The following SLC41A3 variants were observed in gnomAD, a reference collection of about 807,000 sequenced individuals.
SLC41A3 encodes the protein solute carrier family 41 member 3.
In SLC41A3, 44 loss-of-function variants were observed where a neutral mutation model predicts 45.4. The observed-to-expected ratio is 0.97, with a 90% confidence interval of 0.76 to 1.25. The LOEUF is 1.25. SLC41A3 is among the 50% of genes most tolerant of loss of function. The pLI is 0.00. For missense variants in SLC41A3, 550 were observed against 600.6 expected, an observed-to-expected ratio of 0.92 and a Z score of 0.88; for synonymous variants, 256 against 252.4, an observed-to-expected ratio of 1.01 and a Z score of -0.13.
rs1475524158 is a variant in SLC41A3, at chr3:126,026,335, C to T, written c.598G>A (p.Gly200Arg). 6.4e-7 allele frequency: 1 copy of T among 1,559,866 alleles called. No individual in the cohort carries two copies. The highest frequency in any genetic ancestry group is 8.7e-7 in the Non-Finnish European group (1 of 1,151,110). Residue 200 changes from glycine (G) to arginine (R), a missense_variant and splice_region_variant, in exon 5 of 11, where the codon GGG (glycine) becomes AGG (arginine). Gly to Arg is a moderately radical substitution (Grantham distance 125, BLOSUM62 -2). Transcript: ENST00000360370. The surrounding 1 kb of genome is among the most constrained non-coding windows in gnomAD (Gnocchi z 4.2). ...GGCTCACAGCTGGGGCATGGCTCAC[C>T]CAGGGCAAAGGCTGCAAGGAAGGCA... The part of the protein sequence containing the change: ...LTAFLAAFAL[G>R]VLMVCIVIGA...
intron 3 of SLC41A3, among the ~76,000 whole-genome samples, chr3:126,046,780 G>A (rs1403291201): frequency 4.0e-5 from 6 of 151,500 alleles, no homozygotes; most frequent in Non-Finnish European, 7.4e-5. Flanking sequence ...TGGCCAACAT[G>A]ATGAAACCAC....
chr3:126,053,569 T>C (rs561793249), intron 2 of SLC41A3, among the ~76,000 whole-genome samples: 1 of 152,244 alleles, frequency 6.6e-6, no homozygotes, highest in African/African-American at 2.4e-5. Context: ...TCTTTGTTTT[T>C]ACCTAACCAA....
At chr3:126,096,355 CAAAA>C (rs1945601057) in intron 1 of SLC41A3, among the ~76,000 whole-genome samples, 1 of 151,484 alleles carries the variant, frequency 6.6e-6, no homozygotes, top group Non-Finnish European at 1.5e-5. Flanking sequence ...ATTTGCAAAT[CAAAA>C]AAGGGGGACA....
At chr3:126,010,645 C>A in intron 9 of SLC41A3, among the ~76,000 whole-genome samples, 1 of 152,252 alleles carries the variant, frequency 6.6e-6, no homozygotes, top group East Asian at 1.9e-4. Flanking sequence ...GGTGGGACCA[C>A]CATCATCTCC....
At chr3:126,042,656 T>G (rs1024645374) in intron 3 of SLC41A3, among the ~76,000 whole-genome samples, 1 of 151,804 alleles carries the variant, frequency 6.6e-6, no homozygotes, top group African/African-American at 2.4e-5. Flanking sequence ...TTTAGGAAAT[T>G]TAAAAAACAG....
chr3:126,048,247 T>A (rs1482675488), intron 3 of SLC41A3, among the ~76,000 whole-genome samples: 1 of 152,238 alleles, frequency 6.6e-6, no homozygotes, highest in African/African-American at 2.4e-5. Context: ...CAAATTTTTA[T>A]TTCTCTTTAT....
intron 4 of SLC41A3, among the ~76,000 whole-genome samples, chr3:126,027,386 CT>C (rs773916084): frequency 6.6e-6 from 1 of 152,106 alleles, no homozygotes; most frequent in Non-Finnish European, 1.5e-5. Context: ...TGCTACTCCC[CT>C]TTGCATTCCC....
intron 3 of SLC41A3, among the ~76,000 whole-genome samples, chr3:126,042,434 A>G (rs1942656072): frequency 6.6e-6 from 1 of 152,236 alleles, no homozygotes; most frequent in Admixed American, 6.5e-5. Context: ...TTCCCTACAC[A>G]GAGCCAGTCT....
chr3:126,035,607 G>A (rs149006218), intron 3 of SLC41A3, among the ~76,000 whole-genome samples: 56 of 152,346 alleles, frequency 3.7e-4, no homozygotes, highest in African/African-American at 1.1e-3. Context: ...CAAGGGAGCC[G>A]ATGGAAATTA....
At chr3:126,089,049 C>T (rs1022046619), upstream of SLC41A3, among the ~76,000 whole-genome samples, 2 of 152,242 alleles carry the variant, frequency 1.3e-5, no homozygotes, top group Middle Eastern at 3.4e-3. Context: ...AAACAAGCAC[C>T]TCAGATGAAG....
chr3:126,031,154 A>C (rs186112771), intron 4 of SLC41A3, among the ~76,000 whole-genome samples: 24 of 152,362 alleles, frequency 1.6e-4, no homozygotes, highest in African/African-American at 5.3e-4. Flanking sequence ...TATATGGTGA[A>C]TTCAAAAAGT....
intron 9 of SLC41A3, among the ~76,000 whole-genome samples, chr3:126,011,357 A>T (rs1939691483): frequency 6.6e-6 from 1 of 152,242 alleles, no homozygotes; most frequent in Non-Finnish European, 1.5e-5. Flanking sequence ...GGCAGGGGAA[A>T]AAAGATCAGT....
chr3:126,091,786 C>T (rs1055106947), intron 1 of SLC41A3, among the ~76,000 whole-genome samples: 1 of 152,156 alleles, frequency 6.6e-6, no homozygotes, highest in Admixed American at 6.5e-5. Context: ...CAAAGAAATA[C>T]ATTTGGGGGT....
intron 5 of SLC41A3, 58 bp from the exon 6 acceptor site, chr3:126,022,990 G>A: frequency 4.4e-6 from 7 of 1,605,482 alleles, no homozygotes; most frequent in Non-Finnish European, 5.1e-6. Context: ...AGATGGCTCT[G>A]AGCAGGCACA....
At chr3:126,084,707 C>T (rs1945338111), upstream of SLC41A3, among the ~76,000 whole-genome samples, 1 of 152,138 alleles carries the variant, frequency 6.6e-6, no homozygotes, top group Admixed American at 6.5e-5. Context: ...ATTCCCAGTC[C>T]GGGCCTGAGG....
At chr3:126,096,984 G>A (rs191680047) in intron 1 of SLC41A3, among the ~76,000 whole-genome samples, 1 of 152,338 alleles carries the variant, frequency 6.6e-6, no homozygotes, top group East Asian at 1.9e-4. Flanking sequence ...TCCAGAAAAG[G>A]AATGGAAGTT....
At chr3:126,070,995 A>C (rs1170639866) in intron 1 of SLC41A3, among the ~76,000 whole-genome samples, 1 of 152,220 alleles carries the variant, frequency 6.6e-6, no homozygotes, top group Non-Finnish European at 1.5e-5. Context: ...GCAACTGCTA[A>C]GAAAAAAAAA....
At chr3:126,082,343 A>C (rs1367036804) in intron 1 of SLC41A3, among the ~76,000 whole-genome samples, 2 of 152,210 alleles carry the variant, frequency 1.3e-5, no homozygotes, top group Non-Finnish European at 2.9e-5. Flanking sequence ...CCCACAGAGG[A>C]CATTGGGCAA....
At chr3:126,062,257 G>T (rs763874630) in intron 2 of SLC41A3, among the ~76,000 whole-genome samples, 30 of 152,208 alleles carry the variant, frequency 2.0e-4, no homozygotes, top group African/African-American at 7.2e-4. Context: ...ATCCAATACC[G>T]AATATTATTG....
Sources: gnomAD v4.1 joint callset for allele counts (sites outside exome capture counted in the v4.1 genomes callset) on GRCh38, gnomAD v4.1.1 for gene constraint, Gnocchi (gnomAD v3.1) non-coding constraint, MANE v1.5 for transcripts, NCBI Gene and HGNC (gene_info 2026-07-23, HGNC 2026-07-21) for gene names.